LRP12: variants seen among roughly 807,000 people sequenced by gnomAD.
The protein encoded by LRP12 is low-density lipoprotein receptor-related protein 12.
LRP12 carries 14 observed loss-of-function variants against 66.0 expected under a neutral mutation model. The ratio of observed to expected loss-of-function variants is 0.21; its 90% CI spans 0.14 to 0.33. LRP12 has a LOEUF of 0.33. Among genes scored for constraint, LRP12 ranks in the 10% least tolerant of loss-of-function variants. The pLI is 1.00. For missense variants in LRP12, 889 were observed against 1,053.4 expected (o/e 0.84, Z 2.16); for synonymous variants, 357 against 359.1 (o/e 0.99, Z 0.07).
chr8:104,519,117 A>C (rs930796228), intron 2 of LRP12, among the ~76,000 whole-genome samples: 1 of 152,104 alleles, frequency 6.6e-6, no homozygotes, highest in Non-Finnish European at 1.5e-5. Context: ...CTTTGATTCA[A>C]AAGTCCTCTT....
chr8:104,546,828 C>A (rs545623216), intron 1 of LRP12, among the ~76,000 whole-genome samples: 3 of 149,736 alleles, frequency 2.0e-5, no homozygotes, highest in Admixed American at 6.7e-5. Context: ...CCCTGTCATT[C>A]GGAGACTGAT....
intron 2 of LRP12, among the ~76,000 whole-genome samples, chr8:104,516,750 C>A (rs1031703922): frequency 6.6e-6 from 1 of 152,124 alleles, no homozygotes; most frequent in Non-Finnish European, 1.5e-5. Context: ...TAAGAAGACA[C>A]ATGAAAGAGG....
At chr8:104,537,110 CTG>C (rs1310166166) in intron 1 of LRP12, among the ~76,000 whole-genome samples, 5 of 148,948 alleles carry the variant, frequency 3.4e-5, no homozygotes, top group Admixed American at 2.7e-4. Context: ...CAATGTAAGA[CTG>C]TGATCCCTGA....
chr8:104,566,756 G>T (rs774791131), intron 1 of LRP12, among the ~76,000 whole-genome samples: 1 of 152,012 alleles, frequency 6.6e-6, no homozygotes, highest in Non-Finnish European at 1.5e-5. Flanking sequence ...TCTTCAATAC[G>T]TTATTTAATT....
chr8:104,583,508 T>C (rs1330839683), intron 1 of LRP12, among the ~76,000 whole-genome samples: 1 of 152,206 alleles, frequency 6.6e-6, no homozygotes, highest in African/African-American at 2.4e-5. Context: ...TGTTACTCAC[T>C]ATCTCTGCCC....
chr8:104,582,602 A>G (rs1161727817), intron 1 of LRP12, among the ~76,000 whole-genome samples: 1 of 152,184 alleles, frequency 6.6e-6, no homozygotes, highest in East Asian at 1.9e-4. Context: ...GTAAAAAGTT[A>G]TGTTCTATAC....
rs1564129131 is a variant in LRP12, at chr8:104,497,404, C to G, written c.1148G>C (p.Gly383Ala). 1 of 1,614,068 alleles carries G rather than the reference C, an allele frequency of 6.2e-7. No individual in the cohort carries two copies. Residue 383 changes from glycine to alanine, a missense_variant, in exon 5 of 7, where the codon GGA (glycine) becomes GCA (alanine). Physicochemically the swap from Gly to Ala is moderately conservative, Grantham distance 60 (BLOSUM62 0). Coordinates refer to ENST00000276654, the MANE Select transcript of LRP12 (RefSeq NM_013437.5). This position sits in a 1 kb window ranked among gnomAD's most constrained non-coding sequence, Gnocchi z 4.3. ...CTCAGTATAACACCCCCAGTTACCT[C>G]CACAGGGTATTTCCCATGGCAAACA... ...GFCLPWEIPC[G>A]GNWGCYTEQQ...
chr8:104,586,839 T>C lies in LRP12; in HGVS notation c.79+1980A>G, dbSNP rs1378390135. Among the ~76,000 whole-genome samples the C allele has an allele frequency of 3.9e-5, 6 of 152,144 alleles. No homozygotes were observed. In the East Asian group the frequency reaches 9.6e-4, roughly 24 times the overall value. ...TTCTGCCTGGTTCACTACCTCCTTT[T>C]TTTTTTTACACTTTGAAACCTGCTG... On this transcript the variant is annotated intron_variant, in intron 1 of 6. Transcript: ENST00000276654.
chr8:104,519,746 T>C lies in LRP12; in HGVS notation c.137-10672A>G, dbSNP rs181381447. On this transcript the variant is annotated intron_variant, in intron 2 of 6. Transcript: ENST00000276654. ...AGGACTCTCATTACTCTGAGACTTATTATTAGAAACCGCAAGTGCCATGGC... is the reference window on the plus strand; with the variant it reads ...AGGACTCTCATTACTCTGAGACTTACTATTAGAAACCGCAAGTGCCATGGC... Among the ~76,000 whole-genome samples the C allele has an allele frequency of 5.0e-3, 767 of 152,160 alleles. 6 individuals are homozygous for C. The highest frequency in any genetic ancestry group is 0.012 in the Admixed American group (176 of 15,244).
chr8:104,565,678 G>C (rs535206615), intron 1 of LRP12, among the ~76,000 whole-genome samples: 34 of 152,096 alleles, frequency 2.2e-4, no homozygotes, highest in Non-Finnish European at 3.5e-4. Flanking sequence ...GGCTAACACG[G>C]TGAAACTCCG....
At chr8:104,507,183 A>T (rs940079726) in intron 3 of LRP12, 1 of 152,208 alleles carries the variant, frequency 6.6e-6, no homozygotes, top group Non-Finnish European at 1.5e-5. Flanking sequence ...CTTTGTGTAT[A>T]TGCAGGTGTG....
At chr8:104,586,199 G>A (rs1475586951) in intron 1 of LRP12, among the ~76,000 whole-genome samples, 1 of 152,136 alleles carries the variant, frequency 6.6e-6, no homozygotes, top group Non-Finnish European at 1.5e-5. Context: ...AGAGTTTCAG[G>A]TAAGACTCTG....
chr8:104,586,176 T>C (rs1176820049), intron 1 of LRP12, among the ~76,000 whole-genome samples: 1 of 152,202 alleles, frequency 6.6e-6, no homozygotes, highest in African/African-American at 2.4e-5. Flanking sequence ...CATTATATTC[T>C]AGATTACAAT....
At chr8:104,542,998 T>TAA (rs1440693613) in intron 1 of LRP12, among the ~76,000 whole-genome samples, 23 of 149,816 alleles carry the variant, frequency 1.5e-4, no homozygotes, top group African/African-American at 5.6e-4. Flanking sequence ...CACACAAATA[T>TAA]ATATATATAT....
intron 1 of LRP12, among the ~76,000 whole-genome samples, chr8:104,575,047 A>G (rs926004253): frequency 6.6e-6 from 1 of 152,158 alleles, no homozygotes; most frequent in Non-Finnish European, 1.5e-5. Context: ...CAGCGTGTAT[A>G]AAGACTGGAA....
intron 3 of LRP12, chr8:104,506,624 T>C (rs571458607): frequency 9.2e-5 from 14 of 152,300 alleles, no homozygotes; most frequent in African/African-American, 3.1e-4. Flanking sequence ...CTCAGCCCCA[T>C]ATAAATTCAG....
chr8:104,584,522 G>A (rs1158585129), intron 1 of LRP12, among the ~76,000 whole-genome samples: 1 of 151,950 alleles, frequency 6.6e-6, no homozygotes, highest in Non-Finnish European at 1.5e-5. Context: ...TCACTTTTCA[G>A]GCTAAAATCC....
chr8:104,557,112 T>G (rs1811822023), intron 1 of LRP12, among the ~76,000 whole-genome samples: 1 of 152,128 alleles, frequency 6.6e-6, no homozygotes, highest in African/African-American at 2.4e-5. Context: ...GTACATACAT[T>G]AAGGCAATAA....
intron 2 of LRP12, among the ~76,000 whole-genome samples, chr8:104,522,633 T>C (rs1355531663): frequency 1.3e-5 from 2 of 152,134 alleles, no homozygotes; most frequent in African/African-American, 2.4e-5. Flanking sequence ...GTTGTATCAT[T>C]GGTAATTGGA....
Sources: gnomAD v4.1 joint callset for allele counts (sites outside exome capture counted in the v4.1 genomes callset) on GRCh38, gnomAD v4.1.1 for gene constraint, Gnocchi (gnomAD v3.1) non-coding constraint, MANE v1.5 for transcripts, NCBI Gene and HGNC (gene_info 2026-07-23, HGNC 2026-07-21) for gene names.